SORBS2: variants seen among roughly 807,000 people sequenced by gnomAD.
SORBS2 encodes sorbin and SH3 domain containing 2, also known as sorbin and SH3 domain-containing protein 2.
Under a neutral mutation model 97.7 loss-of-function variants are expected in SORBS2, and 46 were observed. The ratio of observed to expected loss-of-function variants is 0.47; its 90% confidence interval spans 0.37 to 0.60. SORBS2 has a LOEUF of 0.60. Among genes scored for constraint, SORBS2 ranks in the 20% least tolerant of loss-of-function variants. SORBS2 has a pLI of 0.00. For synonymous variants in SORBS2, 476 were observed against 473.4 expected, an observed-to-expected ratio of 1.01 and a Z score of -0.07; for missense variants, 1,316 against 1,282.3, an observed-to-expected ratio of 1.03 and a Z score of -0.40.
Position 185,624,006 on chromosome 4 carries a change from A to G in SORBS2, c.1123T>C (p.Cys375Arg), listed in dbSNP as rs768175438. Residue 375 changes from cysteine (C) to arginine (R), a missense_variant, in exon 7 of 15, where the codon TGC (cysteine) becomes CGC (arginine). Physicochemically the swap from Cys to Arg is radical, Grantham distance 180. Transcript: ENST00000418609. ...TGCAGAATCCTGGACTTCACGGAGC[A>G]GATCACCTCGGAGTTCATCAGGTCC... 2.7e-5 allele frequency: 44 copies of G among 1,614,100 alleles called. No individual in the cohort carries two copies. Among genetic ancestry groups the G allele is most frequent in the Admixed American group, 2.2e-4 (13 of 60,012 alleles).
At chr4:185,700,352 GC>G (rs2098243155) in intron 2 of SORBS2, among the ~76,000 whole-genome samples, 1 of 144,514 alleles carries the variant, frequency 6.9e-6, no homozygotes, top group African/African-American at 2.5e-5. Context: ...TGGAGGCTGT[GC>G]TGGGTGGGGG....
intron 12 of SORBS2, among the ~76,000 whole-genome samples, chr4:185,600,769 A>C (rs2096243408): frequency 6.6e-6 from 1 of 152,170 alleles, no homozygotes; most frequent in African/African-American, 2.4e-5. Context: ...TGCCTGTCAA[A>C]TTTCATGGAC....
At chr4:185,867,000 AT>A (rs1356119412) in intron 1 of SORBS2, among the ~76,000 whole-genome samples, 1 of 152,026 alleles carries the variant, frequency 6.6e-6, no homozygotes, top group Admixed American at 6.6e-5. Flanking sequence ...GGTTTATTTT[AT>A]TTTATTTTAT....
chr4:185,874,762 C>T (rs868274398), intron 1 of SORBS2, among the ~76,000 whole-genome samples: 2 of 151,538 alleles, frequency 1.3e-5, no homozygotes, highest in Admixed American at 1.3e-4. Context: ...TTGTCCTTGG[C>T]TGGAATTGTG....
intron 2 of SORBS2, among the ~76,000 whole-genome samples, chr4:185,686,585 G>A (rs765585016): frequency 6.6e-6 from 1 of 152,160 alleles, no homozygotes. Flanking sequence ...AGACAAGTGC[G>A]TCTGATAAGA....
chr4:185,898,419 A>G (rs527597319), intron 1 of SORBS2, among the ~76,000 whole-genome samples: 59 of 152,356 alleles, frequency 3.9e-4, no homozygotes, highest in African/African-American at 1.4e-3. Flanking sequence ...GAAGAAAAGA[A>G]AGGGAAAATT....
At chr4:185,802,021 C>CA (rs2099133357) in intron 1 of SORBS2, among the ~76,000 whole-genome samples, 1 of 152,164 alleles carries the variant, frequency 6.6e-6, no homozygotes, top group Non-Finnish European at 1.5e-5. Context: ...ACACTATTGT[C>CA]AAAATCCCAC....
At chr4:185,824,915 G>A (rs570230902) in intron 1 of SORBS2, among the ~76,000 whole-genome samples, 8 of 152,100 alleles carry the variant, frequency 5.3e-5, no homozygotes, top group African/African-American at 9.7e-5. Flanking sequence ...GGTGGCAGGC[G>A]GGCTGATCCC....
At chr4:185,672,206 A>G (rs2097723264) in intron 4 of SORBS2, among the ~76,000 whole-genome samples, 3 of 152,234 alleles carry the variant, frequency 2.0e-5, no homozygotes, top group Admixed American at 2.0e-4. Context: ...CTACATACTG[A>G]TCCCATGGAG....
chr4:185,864,902 ACT>A (rs1318030258), intron 1 of SORBS2, among the ~76,000 whole-genome samples: 1 of 135,210 alleles, frequency 7.4e-6, no homozygotes, highest in East Asian at 2.0e-4. Context: ...ATAGAGTGAG[ACT>A]CTGTCTCAAA....
chr4:185,951,156 C>T (rs778482049), intron 1 of SORBS2, among the ~76,000 whole-genome samples: 2 of 152,176 alleles, frequency 1.3e-5, no homozygotes, highest in Non-Finnish European at 2.9e-5. Flanking sequence ...TAGAATCACA[C>T]GGTCCCAGCT....
intron 1 of SORBS2, among the ~76,000 whole-genome samples, chr4:185,803,166 T>C (rs2099138486): frequency 6.6e-6 from 1 of 152,094 alleles, no homozygotes; most frequent in African/African-American, 2.4e-5. Flanking sequence ...CAGCACCTCT[T>C]CTCACAGGCT....
intron 2 of SORBS2, among the ~76,000 whole-genome samples, chr4:185,752,549 T>A (rs928055001): frequency 1.3e-5 from 2 of 152,218 alleles, no homozygotes; most frequent in East Asian, 3.9e-4. Context: ...GTGCTGGGAT[T>A]ACAGGCGTGA....
At chr4:185,683,227 G>GC (rs1561893933) in intron 2 of SORBS2, among the ~76,000 whole-genome samples, 2 of 115,472 alleles carry the variant, frequency 1.7e-5, no homozygotes, top group East Asian at 5.0e-4. Context: ...AGTGTGAAAT[G>GC]TTTTTTTTTT....
At chr4:185,798,622 T>A (rs929937863) in intron 1 of SORBS2, among the ~76,000 whole-genome samples, 1 of 152,188 alleles carries the variant, frequency 6.6e-6, no homozygotes, top group African/African-American at 2.4e-5. Flanking sequence ...TACATCATCA[T>A]AGTCTTATTA....
intron 1 of SORBS2, among the ~76,000 whole-genome samples, chr4:185,776,846 G>C (rs369374733): frequency 1.3e-5 from 2 of 149,088 alleles, no homozygotes; most frequent in Non-Finnish European, 3.0e-5. Context: ...GTTGCGGTGA[G>C]CTGAGATCGC....
At chr4:185,927,987 G>A (rs189041304) in intron 1 of SORBS2, among the ~76,000 whole-genome samples, 1 of 152,156 alleles carries the variant, frequency 6.6e-6, no homozygotes. Flanking sequence ...CATATTGCTG[G>A]TTTGTTTTCA....
In SORBS2 at chr4:185,902,891, G is replaced by A. The variant is rs187089652; in HGVS notation, c.-338+53305C>T. On this transcript the variant is annotated intron_variant, in intron 1 of 20. Coordinates refer to the SORBS2 transcript ENST00000284776. ...ACCGTGATGTTAATTCTATGGCAAA[G>A]TAAATAAAAGCTCTGTTCTGACGTC... Among the ~76,000 whole-genome samples the A allele has an allele frequency of 2.9e-4, 44 of 152,284 alleles. 1 individual carries two copies. The East Asian group carries it at 7.1e-3, about 25-fold the overall frequency.
intron 1 of SORBS2, among the ~76,000 whole-genome samples, chr4:185,776,395 G>C (rs75614365): frequency 0.1 from 15,634 of 152,178 alleles, 948 homozygotes; most frequent in East Asian, 0.19. Context: ...CTTCCATTGA[G>C]TCATTGTGCC....
Sources: allele counts gnomAD v4.1 joint callset (sites outside exome capture counted in the v4.1 genomes callset), GRCh38; gene constraint gnomAD v4.1.1; transcripts MANE v1.5; gene names NCBI Gene and HGNC (gene_info 2026-07-23, HGNC 2026-07-21).